MACROD2: variants seen among roughly 807,000 people sequenced by gnomAD.
MACROD2 encodes the protein ADP-ribose glycohydrolase MACROD2.
Under a neutral mutation model 70.4 loss-of-function variants are expected in MACROD2, and 36 were observed. The observed-to-expected ratio is 0.51, with a 90% CI of 0.39 to 0.68. The LOEUF is 0.68. Ranked by LOEUF, MACROD2 falls within the 30% of genes least tolerant of loss-of-function variation. The pLI, the probability that MACROD2 is intolerant of heterozygous loss-of-function variation, is 0.00. For synonymous variants in MACROD2, 172 were observed against 178.8 expected, an observed-to-expected ratio of 0.96 and a Z score of 0.30; for missense variants, 496 against 538.4, an observed-to-expected ratio of 0.92 and a Z score of 0.78.
intron 3 of MACROD2, chr20:14,323,348 A>G (rs943079296): frequency 6.6e-6 from 1 of 152,166 alleles, no homozygotes; most frequent in African/African-American, 2.4e-5. Context: ...AAGGATCCAG[A>G]TGGCAGGAAA....
Position 14,640,270 on chromosome 20 carries a change from A to G in MACROD2, c.302-44573A>G, listed in dbSNP as rs186133206. 2.6e-5 allele frequency among the ~76,000 whole-genome samples: 4 copies of G among 152,350 alleles called. No homozygotes were observed. In the East Asian group the frequency reaches 5.8e-4, roughly 22 times the overall value. On this transcript the variant is annotated intron_variant, in intron 4 of 17. Transcript: ENST00000684519. Reference sequence around the variant, plus strand: ...ATAAGTGAAATATTGAGATTTCTATAGCAACTGGAATCTAATAGGAAAATA... The same window carrying G: ...ATAAGTGAAATATTGAGATTTCTATGGCAACTGGAATCTAATAGGAAAATA...
At chr20:15,783,234 T>A (rs1336265927) in intron 8 of MACROD2, among the ~76,000 whole-genome samples, 2 of 152,158 alleles carry the variant, frequency 1.3e-5, no homozygotes, top group Admixed American at 1.3e-4. Context: ...CAGCTTGAGT[T>A]CTCCCCATTT....
intron 7 of MACROD2, among the ~76,000 whole-genome samples, chr20:15,443,163 C>T (rs1160068683): frequency 3.3e-5 from 5 of 152,088 alleles, no homozygotes; most frequent in African/African-American, 1.2e-4. Flanking sequence ...GTTTCTGCAA[C>T]ACTCTAAGGC....
At chr20:15,220,408 G>A (rs1350720102) in intron 5 of MACROD2, among the ~76,000 whole-genome samples, 1 of 152,240 alleles carries the variant, frequency 6.6e-6, no homozygotes, top group Non-Finnish European at 1.5e-5. Flanking sequence ...TGCAGTGGAA[G>A]CATCGAGTCA....
At chr20:15,695,408 C>CT (rs200041559) in intron 8 of MACROD2, among the ~76,000 whole-genome samples, 5,996 of 140,020 alleles carry the variant, frequency 0.043, 242 homozygotes, top group East Asian at 0.18. Flanking sequence ...TTTTCTTCTT[C>CT]TTCTTTTTTT....
chr20:14,048,222 A>G (rs2053507053), intron 2 of MACROD2, among the ~76,000 whole-genome samples: 1 of 152,214 alleles, frequency 6.6e-6, no homozygotes, highest in Non-Finnish European at 1.5e-5. Flanking sequence ...ACTCAGATCC[A>G]TCTCCCTGAT....
chr20:15,994,636 A>C (rs770324504), intron 15 of MACROD2, among the ~76,000 whole-genome samples: 1 of 152,202 alleles, frequency 6.6e-6, no homozygotes, highest in Non-Finnish European at 1.5e-5. Context: ...TTCATAAAGA[A>C]TTTAAAACTC....
At chr20:14,988,816 G>A (rs2122862038) in intron 5 of MACROD2, among the ~76,000 whole-genome samples, 1 of 152,144 alleles carries the variant, frequency 6.6e-6, no homozygotes, top group African/African-American at 2.4e-5. Context: ...TGAAACAGAA[G>A]GATTTACATA....
chr20:14,904,816 C>T (rs2073939375), intron 5 of MACROD2: 2 of 152,116 alleles, frequency 1.3e-5, no homozygotes, highest in African/African-American at 4.8e-5. Context: ...ATAGTAAATG[C>T]TCAATGGCAT....
chr20:14,011,093 G>A (rs2148616684), intron 2 of MACROD2, among the ~76,000 whole-genome samples: 1 of 152,232 alleles, frequency 6.6e-6, no homozygotes, highest in South Asian at 2.1e-4. Flanking sequence ...TATAGAAGCT[G>A]AATTATAGAT....
chr20:14,802,791 CA>C (rs2072594107), intron 5 of MACROD2, among the ~76,000 whole-genome samples: 2 of 151,704 alleles, frequency 1.3e-5, no homozygotes, highest in Non-Finnish European at 2.9e-5. Flanking sequence ...CACACACACA[CA>C]CACACACACA....
intron 8 of MACROD2, among the ~76,000 whole-genome samples, chr20:15,855,278 A>G (rs1165712270): frequency 1.3e-5 from 2 of 152,214 alleles, no homozygotes; most frequent in Admixed American, 6.5e-5. Flanking sequence ...GATTAATGGA[A>G]CATATGTCAT....
intron 2 of MACROD2, among the ~76,000 whole-genome samples, chr20:14,011,392 G>C (rs2052904056): frequency 6.6e-6 from 1 of 152,126 alleles, no homozygotes; most frequent in Non-Finnish European, 1.5e-5. Context: ...AAAACAGCCT[G>C]TCCCTTCCTG....
chr20:15,086,663 C>T (rs1345330294), intron 5 of MACROD2, among the ~76,000 whole-genome samples: 1 of 152,106 alleles, frequency 6.6e-6, no homozygotes, highest in Non-Finnish European at 1.5e-5. Flanking sequence ...TAATTTAAAA[C>T]AAACACATGA....
chr20:14,536,867 C>CCAGT (rs1269968566), intron 4 of MACROD2, among the ~76,000 whole-genome samples: 9 of 152,250 alleles, frequency 5.9e-5, no homozygotes, highest in African/African-American at 2.2e-4. Flanking sequence ...GGGCTTCATG[C>CCAGT]CAGTGCCTGT....
chr20:14,413,785 G>GCTGCTTTTTTTTTC (rs770912741), intron 3 of MACROD2, among the ~76,000 whole-genome samples: 2 of 152,020 alleles, frequency 1.3e-5, no homozygotes, highest in Middle Eastern at 6.3e-3. Context: ...GAAAACTTTT[G>GCTGCTTTTTTTTTC]CTGCTTTTTT....
At chr20:15,104,919 T>A (rs906938433) in intron 5 of MACROD2, among the ~76,000 whole-genome samples, 4 of 152,186 alleles carry the variant, frequency 2.6e-5, no homozygotes, top group African/African-American at 9.7e-5. Flanking sequence ...TTTTATTTTA[T>A]TTTTAAAAGT....
At chr20:15,117,767 T>C (rs1300525014) in intron 5 of MACROD2, among the ~76,000 whole-genome samples, 2 of 152,180 alleles carry the variant, frequency 1.3e-5, no homozygotes, top group Non-Finnish European at 2.9e-5. Context: ...CTGGAAAGTT[T>C]GCCATTATCT....
At chr20:16,040,707 C>A (rs1474530750) in intron 15 of MACROD2, among the ~76,000 whole-genome samples, 3 of 151,974 alleles carry the variant, frequency 2.0e-5, no homozygotes, top group Admixed American at 6.6e-5. Context: ...AAGGAAACAA[C>A]TAAACCATTT....
Sources: gnomAD v4.1 joint callset for allele counts (sites outside exome capture counted in the v4.1 genomes callset) on GRCh38, gnomAD v4.1.1 for gene constraint, MANE v1.5 for transcripts, NCBI Gene and HGNC (gene_info 2026-07-23, HGNC 2026-07-21) for gene names.